SUMF1: variants seen among roughly 807,000 people sequenced by gnomAD.
SUMF1 encodes formylglycine-generating enzyme.
In SUMF1, 48 loss-of-function variants were observed where a neutral mutation model predicts 47.6. The ratio of observed to expected loss-of-function variants is 1.01; its 90% CI spans 0.80 to 1.28. SUMF1 has a LOEUF of 1.28. Ranked by LOEUF, SUMF1 falls within the 50% of genes most tolerant of loss-of-function variation. The pLI, the probability that SUMF1 is intolerant of heterozygous loss-of-function variation, is 0.00. For synonymous variants in SUMF1, 230 were observed against 192.1 expected (o/e 1.20, Z -1.63); for missense variants, 571 against 485.4 (o/e 1.18, Z -1.66).
chr3:4,136,199 G>A (rs564531860), intron 8 of SUMF1, among the ~76,000 whole-genome samples: 6 of 152,264 alleles, frequency 3.9e-5, no homozygotes, highest in Admixed American at 2.0e-4. Flanking sequence ...CAAAGCTGGA[G>A]GCATCATGCT....
chr3:4,457,306 G>A (rs1406342555), intron 1 of SUMF1, among the ~76,000 whole-genome samples: 1 of 151,594 alleles, frequency 6.6e-6, no homozygotes, highest in East Asian at 1.9e-4. Flanking sequence ...CCCAGGCCAG[G>A]ATTCAATGTA....
intron 3 of SUMF1, among the ~76,000 whole-genome samples, chr3:4,436,186 A>C (rs1380491653): frequency 6.6e-6 from 1 of 152,190 alleles, no homozygotes; most frequent in African/African-American, 2.4e-5. Flanking sequence ...AGCAGAACAT[A>C]GTCTAGGTTT....
intron 8 of SUMF1, among the ~76,000 whole-genome samples, chr3:4,208,469 CA>C (rs775554036): frequency 3.7e-4 from 49 of 132,716 alleles, no homozygotes; most frequent in Middle Eastern, 3.8e-3. Flanking sequence ...TTCTAGAAGG[CA>C]AAAAAAAAAA....
At chr3:4,049,077 G>C (rs531228395) in intron 9 of SUMF1, among the ~76,000 whole-genome samples, 37 of 152,236 alleles carry the variant, frequency 2.4e-4, no homozygotes, top group Non-Finnish European at 4.7e-4. Flanking sequence ...TCACAAAAGT[G>C]TATCAGTCAA....
chr3:4,224,387 C>T (rs1416991067), intron 8 of SUMF1, among the ~76,000 whole-genome samples: 1 of 152,020 alleles, frequency 6.6e-6, no homozygotes, highest in African/African-American at 2.4e-5. Flanking sequence ...GTGTTCAAGG[C>T]ATATTTTGGT....
At chr3:4,083,739 C>T (rs1265808193) in intron 8 of SUMF1, among the ~76,000 whole-genome samples, 1 of 151,752 alleles carries the variant, frequency 6.6e-6, no homozygotes, top group Non-Finnish European at 1.5e-5. Context: ...TCATGCCTAT[C>T]CTCAGAGAAT....
chr3:4,199,513 G>C (rs1010940184), intron 8 of SUMF1, among the ~76,000 whole-genome samples: 11 of 152,054 alleles, frequency 7.2e-5, no homozygotes, highest in South Asian at 4.1e-4. Context: ...TGGGTTGTAT[G>C]GTAATTACGT....
intron 9 of SUMF1, among the ~76,000 whole-genome samples, chr3:4,037,825 G>C (rs184076538): frequency 6.6e-6 from 1 of 152,274 alleles, no homozygotes; most frequent in African/African-American, 2.4e-5. Context: ...ATGGTCAGTA[G>C]ACTTCTTTTC....
chr3:4,453,341 T>A (rs1703040274), intron 1 of SUMF1, among the ~76,000 whole-genome samples: 1 of 152,130 alleles, frequency 6.6e-6, no homozygotes, highest in South Asian at 2.1e-4. Flanking sequence ...CGCTAACGGC[T>A]AGAATGCAGA....
intron 7 of SUMF1, among the ~76,000 whole-genome samples, chr3:4,397,945 T>C (rs1559272750): frequency 6.6e-6 from 1 of 152,126 alleles, no homozygotes; most frequent in Non-Finnish European, 1.5e-5. Flanking sequence ...CTAGACATTT[T>C]CTCTGTAGCA....
rs541061612 is a variant in SUMF1, at chr3:4,420,540, G to T, written c.520-394C>A. On this transcript the variant is annotated intron_variant, in intron 3 of 8. Transcript: ENST00000272902. ...GCTTCCCGAGTAGCTGGGACTACAG[G>T]CACGTGCCAGCAAGCCCAGCGAATT... Among the ~76,000 whole-genome samples, 3 of 152,032 alleles carry T rather than the reference G, an allele frequency of 2.0e-5. No individual in the cohort carries two copies. In the South Asian group the frequency reaches 6.2e-4, roughly 32 times the overall value.
chr3:4,380,215 T>C (rs1457085191), intron 7 of SUMF1, among the ~76,000 whole-genome samples: 2 of 152,158 alleles, frequency 1.3e-5, no homozygotes, highest in African/African-American at 4.8e-5. Flanking sequence ...GTGGTACATA[T>C]ACACCATGGA....
At chr3:4,175,741 G>A (rs747289208) in intron 8 of SUMF1, among the ~76,000 whole-genome samples, 9 of 152,076 alleles carry the variant, frequency 5.9e-5, no homozygotes, top group Non-Finnish European at 8.8e-5. Flanking sequence ...AAACTTCTCC[G>A]AGCTAAAGGA....
intron 3 of SUMF1, among the ~76,000 whole-genome samples, chr3:4,425,804 C>A (rs1328656945): frequency 6.6e-6 from 1 of 152,228 alleles, no homozygotes; most frequent in Non-Finnish European, 1.5e-5. Context: ...AATTGTCTCA[C>A]ATTCCACATG....
intron 8 of SUMF1, among the ~76,000 whole-genome samples, chr3:4,183,849 T>C (rs940792788): frequency 4.6e-5 from 7 of 152,030 alleles, no homozygotes; most frequent in African/African-American, 1.7e-4. Context: ...ACTTTATAAG[T>C]AGTGTTAAAC....
intron 8 of SUMF1, among the ~76,000 whole-genome samples, chr3:4,224,055 G>A (rs896503615): frequency 3.3e-5 from 5 of 152,098 alleles, no homozygotes; most frequent in Non-Finnish European, 5.9e-5. Context: ...AAAGAACCAG[G>A]GGCCGGGGGT....
At chr3:4,128,364 G>T (rs59836409) in intron 8 of SUMF1, among the ~76,000 whole-genome samples, 1 of 152,088 alleles carries the variant, frequency 6.6e-6, no homozygotes, top group Non-Finnish European at 1.5e-5. Flanking sequence ...AGGGGACACC[G>T]AGTTTGTAAA....
At chr3:4,347,747 T>C (rs928800149) in intron 8 of SUMF1, among the ~76,000 whole-genome samples, 6 of 152,212 alleles carry the variant, frequency 3.9e-5, no homozygotes, top group Admixed American at 2.6e-4. Context: ...AGATTGTCTC[T>C]GTTTGCAGGT....
intron 9 of SUMF1, among the ~76,000 whole-genome samples, chr3:4,044,836 T>A (rs926531739): frequency 6.6e-6 from 1 of 152,222 alleles, no homozygotes; most frequent in East Asian, 1.9e-4. Flanking sequence ...GAATATTGCA[T>A]CATTTAGATC....
Sources: gnomAD v4.1 joint callset for allele counts (sites outside exome capture counted in the v4.1 genomes callset) on GRCh38, gnomAD v4.1.1 for gene constraint, MANE v1.5 for transcripts, NCBI Gene and HGNC (gene_info 2026-07-23, HGNC 2026-07-21) for gene names.